Variants in EPHA6 observed in about 807,000 individuals in gnomAD.
The protein encoded by EPHA6 is EPH receptor A6.
A neutral mutation model predicts 112.0 loss-of-function variants in EPHA6; 50 were observed. The observed-to-expected ratio is 0.45, with a 90% confidence interval of 0.36 to 0.56. EPHA6 has a LOEUF of 0.56. Ranked by LOEUF, EPHA6 falls within the 20% of genes least tolerant of loss-of-function variation. The pLI, the probability that EPHA6 is intolerant of heterozygous loss-of-function variation, is 0.00. For missense variants in EPHA6, 1,280 were observed against 1,417.4 expected, an observed-to-expected ratio of 0.90 and a Z score of 1.56; for synonymous variants, 529 against 490.7, an observed-to-expected ratio of 1.08 and a Z score of -1.03.
intron 4 of EPHA6, among the ~76,000 whole-genome samples, chr3:97,230,905 A>T (rs1441124106): frequency 6.6e-6 from 1 of 152,138 alleles, no homozygotes; most frequent in Non-Finnish European, 1.5e-5. Context: ...TGACTTAGTG[A>T]TCCTTCTCTT....
chr3:97,750,250 C>T lies in EPHA6; in HGVS notation c.*1549C>T, dbSNP rs1464615663. ...CTCAGTGATAATGGTGCCCTACCTA[C>T]CCTAATTCTCAAATTCCTATCTAAA... On this transcript the variant is annotated 3_prime_UTR_variant, in exon 18 of 18. Coordinates refer to ENST00000389672, the MANE Select transcript of EPHA6 (RefSeq NM_001080448.3). Among the ~76,000 whole-genome samples the T allele has an allele frequency of 6.6e-6, 1 of 151,076 alleles. No individual in the cohort carries two copies. The highest frequency in any genetic ancestry group is 2.4e-5 in the African/African-American group (1 of 41,096).
intron 2 of EPHA6, among the ~76,000 whole-genome samples, chr3:96,932,312 C>CA (rs2040366397): frequency 1.3e-5 from 2 of 152,316 alleles, no homozygotes; most frequent in Admixed American, 6.5e-5. Context: ...TTGGCCCCTC[C>CA]ATGCAATTCA....
chr3:96,818,045 AAT>A (rs2032942190), intron 1 of EPHA6, among the ~76,000 whole-genome samples: 1 of 151,962 alleles, frequency 6.6e-6, no homozygotes, highest in African/African-American at 2.4e-5. Flanking sequence ...ATTGTGTTTA[AAT>A]CTCTCTCATA....
At chr3:97,368,061 T>G (rs56264756) in intron 5 of EPHA6, among the ~76,000 whole-genome samples, 4,536 of 152,290 alleles carry the variant, frequency 0.03, 214 homozygotes, top group African/African-American at 0.099. Flanking sequence ...TTACATGTTC[T>G]TTATTTGACA....
intron 11 of EPHA6, among the ~76,000 whole-genome samples, chr3:97,567,452 A>G (rs1000000119): frequency 5.3e-5 from 8 of 152,182 alleles, no homozygotes; most frequent in African/African-American, 7.2e-5. Flanking sequence ...TAGCCTGAAA[A>G]CATTTTGAGA....
intron 11 of EPHA6, among the ~76,000 whole-genome samples, chr3:97,583,887 T>C (rs2093464441): frequency 6.6e-6 from 1 of 152,198 alleles, no homozygotes; most frequent in Admixed American, 6.5e-5. Context: ...AGGTAGCCTG[T>C]ACGGTGGCTA....
chr3:97,524,538 T>A (rs1462383024), intron 10 of EPHA6, among the ~76,000 whole-genome samples: 1 of 152,122 alleles, frequency 6.6e-6, no homozygotes, highest in African/African-American at 2.4e-5. Context: ...TAGTATATTC[T>A]CAATTTGAGT....
intron 12 of EPHA6, among the ~76,000 whole-genome samples, chr3:97,606,446 A>G (rs1237825261): frequency 6.6e-6 from 1 of 151,304 alleles, no homozygotes; most frequent in African/African-American, 2.4e-5. Flanking sequence ...CTTATGAACT[A>G]GAAAGGGTTT....
At chr3:96,913,667 G>T (rs1422090886) in intron 2 of EPHA6, among the ~76,000 whole-genome samples, 1 of 152,094 alleles carries the variant, frequency 6.6e-6, no homozygotes, top group Non-Finnish European at 1.5e-5. Flanking sequence ...TAAGATCAAA[G>T]TGTCTGGTTT....
intron 6 of EPHA6, among the ~76,000 whole-genome samples, chr3:97,407,667 C>G (rs1559967252): frequency 6.6e-6 from 1 of 152,026 alleles, no homozygotes; most frequent in Non-Finnish European, 1.5e-5. Context: ...TACAGCTTGA[C>G]TATGAAAGGC....
At position 97,236,982 on chromosome 3, in the gene EPHA6, A is replaced by G. The variant is rs569384742; in HGVS notation, c.1271-6970A>G. On this transcript the variant is annotated intron_variant, in intron 4 of 17. Transcript: ENST00000389672. The stretch of plus-strand genomic sequence containing the variant: ...TCTCTTCTTCCCCCGCCATCTCATT[A>G]CTTTTTTTCTCTTTTTCTTAAATGT... Among the ~76,000 whole-genome samples the G allele has an allele frequency of 2.6e-5, 4 of 151,924 alleles. No homozygotes were observed. In the South Asian group the frequency reaches 6.2e-4, roughly 24 times the overall value.
At chr3:97,220,919 C>G (rs758670285) in intron 3 of EPHA6, among the ~76,000 whole-genome samples, 24 of 152,102 alleles carry the variant, frequency 1.6e-4, no homozygotes, top group Non-Finnish European at 3.4e-4. Flanking sequence ...AGGGAGAAAG[C>G]AGAGAAAGGC....
At chr3:97,658,234 T>A in intron 14 of EPHA6, among the ~76,000 whole-genome samples, 1 of 151,866 alleles carries the variant, frequency 6.6e-6, no homozygotes, top group East Asian at 1.9e-4. Context: ...GATTTTTTTC[T>A]CTGGTGCTCC....
chr3:97,713,316 G>A (rs528495166), intron 14 of EPHA6, among the ~76,000 whole-genome samples: 6 of 151,946 alleles, frequency 3.9e-5, no homozygotes, highest in Non-Finnish European at 8.8e-5. Context: ...GTGAGCTCTG[G>A]GTTCATGAAA....
At chr3:97,254,760 G>T (rs1248525839) in intron 5 of EPHA6, among the ~76,000 whole-genome samples, 2 of 151,982 alleles carry the variant, frequency 1.3e-5, no homozygotes, top group East Asian at 1.9e-4. Context: ...TAATCCCCTT[G>T]TATCTTTTAA....
chr3:97,316,874 G>C (rs1201182443), intron 5 of EPHA6, among the ~76,000 whole-genome samples: 3 of 151,772 alleles, frequency 2.0e-5, no homozygotes, highest in Admixed American at 2.0e-4. Flanking sequence ...CAAAAGTCAA[G>C]AAGAGCCCAG....
chr3:97,646,163 A>T, intron 14 of EPHA6: 1 of 1,535,628 alleles, frequency 6.5e-7, no homozygotes, highest in Non-Finnish European at 8.7e-7. Context: ...TGGTTAAAGA[A>T]GATGGTCTGG....
chr3:96,953,961 C>T (rs1242742292), intron 2 of EPHA6, among the ~76,000 whole-genome samples: 2 of 152,056 alleles, frequency 1.3e-5, no homozygotes, highest in African/African-American at 4.8e-5. Context: ...CAACCTCTGC[C>T]TGCTGCACTT....
intron 13 of EPHA6, among the ~76,000 whole-genome samples, chr3:97,629,165 T>A (rs959964309): frequency 6.6e-6 from 1 of 151,970 alleles, no homozygotes. Flanking sequence ...TGGCCTCAAA[T>A]GATCCTCCTG....
Sources: gnomAD v4.1 joint callset for allele counts (sites outside exome capture counted in the v4.1 genomes callset) on GRCh38, gnomAD v4.1.1 for gene constraint, MANE v1.5 for transcripts, NCBI Gene and HGNC (gene_info 2026-07-23, HGNC 2026-07-21) for gene names.